Variants in SBF2 observed in about 807,000 individuals in gnomAD.
The protein encoded by SBF2 is myotubularin-related protein 13.
SBF2 carries 112 observed loss-of-function variants against 225.2 expected under a neutral mutation model. The ratio of observed to expected loss-of-function variants is 0.50; its 90% CI spans 0.43 to 0.58. The LOEUF (loss-of-function observed/expected upper bound fraction) is 0.58. Among genes scored for constraint, SBF2 ranks in the 20% least tolerant of loss-of-function variants. The pLI, the probability that SBF2 is intolerant of heterozygous loss-of-function variation, is 0.00. For synonymous variants in SBF2, 763 were observed against 773.3 expected (o/e 0.99, Z 0.22); for missense variants, 1,996 against 2,206.2 (o/e 0.90, Z 1.91).
At chr11:9,807,287 C>T (rs1318948548) in intron 32 of SBF2, among the ~76,000 whole-genome samples, 1 of 152,198 alleles carries the variant, frequency 6.6e-6, no homozygotes, top group African/African-American at 2.4e-5. Context: ...ATCTGATGTG[C>T]CTGCGATGAA....
intron 16 of SBF2, among the ~76,000 whole-genome samples, chr11:9,905,891 AT>A (rs987776389): frequency 6.6e-6 from 1 of 152,190 alleles, no homozygotes; most frequent in African/African-American, 2.4e-5. Flanking sequence ...ATCAACTAAA[AT>A]ATTACTTTGA....
In SBF2 at chr11:9,942,909, A is replaced by AAGAAAGAAAGAT. The variant is rs1333967303; in HGVS notation, c.1860+19047_1860+19048insATCTTTCTTTCT. 9.2e-5 allele frequency among the ~76,000 whole-genome samples: 4 copies of AAGAAAGAAAGAT among 43,696 alleles called. No individual in the cohort carries two copies. The South Asian group carries it at 2.7e-3, about 29-fold the overall frequency. 28.7% of individuals were successfully genotyped at this position (43,696 alleles called of 152,430 possible). A position where few individuals can be genotyped will look rare whatever the true frequency, so the allele number is the denominator to read the frequency against. On this transcript the variant is annotated intron_variant, in intron 16 of 39. Coordinates refer to ENST00000256190, the MANE Select transcript of SBF2 (RefSeq NM_030962.4). ...GAAAAGAAAGAGAGAGAGAGAAAGA[A>AAGAAAGAAAGAT]AGAAAGAAAGAAAGAAAGAAAGAAA...
At chr11:9,805,795 T>C (rs998395448) in intron 32 of SBF2, among the ~76,000 whole-genome samples, 3 of 152,158 alleles carry the variant, frequency 2.0e-5, no homozygotes, top group Non-Finnish European at 4.4e-5. Flanking sequence ...GCTGATTTTT[T>C]GTATTTTTAG....
At chr11:9,785,432 A>G (rs995278896) in intron 36 of SBF2, 114 bp from the exon 37 acceptor site, 35 of 845,142 alleles carry the variant, frequency 4.1e-5, no homozygotes, top group Middle Eastern at 4.9e-4. Context: ...ATAAGCAACA[A>G]TAATGTACAA....
At chr11:10,080,547 GA>G (rs552718062) in intron 2 of SBF2, among the ~76,000 whole-genome samples, 18 of 141,062 alleles carry the variant, frequency 1.3e-4, no homozygotes, top group African/African-American at 1.0e-4. Flanking sequence ...AAAAGACAGA[GA>G]AAAAAAAAAG....
intron 2 of SBF2, among the ~76,000 whole-genome samples, chr11:10,109,181 A>T (rs1318850630): frequency 1.4e-5 from 2 of 145,002 alleles, no homozygotes; most frequent in Non-Finnish European, 3.1e-5. Context: ...GTTCAAAGGT[A>T]TGTGTGTATA....
intron 2 of SBF2, among the ~76,000 whole-genome samples, chr11:10,172,199 T>A (rs1051128042): frequency 6.6e-6 from 1 of 152,178 alleles, no homozygotes; most frequent in Non-Finnish European, 1.5e-5. Context: ...CTCTTGCCTT[T>A]CTAGTTCTTT....
At chr11:9,844,890 C>G (rs1007871075) in intron 24 of SBF2, among the ~76,000 whole-genome samples, 9 of 151,846 alleles carry the variant, frequency 5.9e-5, no homozygotes, top group African/African-American at 2.2e-4. Flanking sequence ...ACATGTATTC[C>G]AGAACTTAAA....
chr11:10,103,965 C>T (rs909842933), intron 2 of SBF2, among the ~76,000 whole-genome samples: 3 of 151,998 alleles, frequency 2.0e-5, no homozygotes, highest in Non-Finnish European at 4.4e-5. Context: ...CACCTGGAGT[C>T]CACCCTACTC....
At chr11:9,848,750 C>T (rs981977865) in intron 22 of SBF2, among the ~76,000 whole-genome samples, 5 of 152,156 alleles carry the variant, frequency 3.3e-5, no homozygotes, top group African/African-American at 7.2e-5. Context: ...TATGAAGGAG[C>T]GGGCTAAGAC....
At chr11:10,268,633 G>A (rs540380980) in intron 1 of SBF2, among the ~76,000 whole-genome samples, 40 of 152,218 alleles carry the variant, frequency 2.6e-4, no homozygotes, top group African/African-American at 9.4e-4. Context: ...GTAAATAATT[G>A]TTTACTTCCC....
intron 1 of SBF2, chr11:10,302,750 G>C (rs1203600111): frequency 1.3e-5 from 2 of 152,404 alleles, no homozygotes; most frequent in Admixed American, 6.5e-5. Context: ...TTTTGTAAAG[G>C]GCAGCGAGGA....
chr11:10,258,777 A>C (rs1961141654), intron 1 of SBF2, among the ~76,000 whole-genome samples: 1 of 152,080 alleles, frequency 6.6e-6, no homozygotes, highest in Admixed American at 6.6e-5. Context: ...AGTCTGCCTC[A>C]AAAAGATTAG....
chr11:9,908,505 T>C (rs1196371512), intron 16 of SBF2, among the ~76,000 whole-genome samples: 1 of 152,076 alleles, frequency 6.6e-6, no homozygotes, highest in Non-Finnish European at 1.5e-5. Context: ...CGGGCGCCTG[T>C]AGTCCCAGCT....
chr11:9,963,024 GAAA>G (rs1866678022), intron 15 of SBF2, among the ~76,000 whole-genome samples: 1 of 152,164 alleles, frequency 6.6e-6, no homozygotes, highest in Non-Finnish European at 1.5e-5. Context: ...GAGTCAGTAA[GAAA>G]GGGTTACATT....
In SBF2 at chr11:10,177,702, T is replaced by C. The variant is rs1164128006; in HGVS notation, c.141+16200A>G. 2.4e-4 allele frequency among the ~76,000 whole-genome samples: 37 copies of C among 151,864 alleles called. No homozygotes were observed. In the East Asian group the frequency reaches 5.7e-3, roughly 23 times the overall value. ...TCAAGGAAATAAAAGAGGATACAAATAAATGGAAGAACATTCCATGCTCAT... is the reference window on the plus strand; with the variant it reads ...TCAAGGAAATAAAAGAGGATACAAACAAATGGAAGAACATTCCATGCTCAT... On this transcript the variant is annotated intron_variant, in intron 2 of 39. Coordinates refer to ENST00000256190, the MANE Select transcript of SBF2 (RefSeq NM_030962.4).
intron 1 of SBF2, among the ~76,000 whole-genome samples, chr11:10,266,017 G>A (rs1218961249): frequency 6.6e-6 from 1 of 152,148 alleles, no homozygotes; most frequent in Non-Finnish European, 1.5e-5. Flanking sequence ...ATCATGCCTG[G>A]CAGCCCAACC....
At chr11:9,987,143 ACAC>A (rs763112827) in intron 13 of SBF2, among the ~76,000 whole-genome samples, 111 of 152,328 alleles carry the variant, frequency 7.3e-4, no homozygotes, top group Admixed American at 2.6e-3. Flanking sequence ...TAAATGTGAT[ACAC>A]CACATAAACA....
chr11:10,226,474 T>TC (rs1278932091), intron 1 of SBF2, among the ~76,000 whole-genome samples: 1 of 131,230 alleles, frequency 7.6e-6, no homozygotes, highest in Non-Finnish European at 1.6e-5. Context: ...ATACTATCCC[T>TC]CCCCCCTCCC....
Sources: gnomAD v4.1 joint callset for allele counts (sites outside exome capture counted in the v4.1 genomes callset) on GRCh38, gnomAD v4.1.1 for gene constraint, MANE v1.5 for transcripts, NCBI Gene and HGNC (gene_info 2026-07-23, HGNC 2026-07-21) for gene names.